The following ADGB variants were observed in gnomAD, a reference collection of about 807,000 sequenced individuals.
ADGB encodes calpain-7-like protein.
In ADGB, 172 loss-of-function variants were observed where a neutral mutation model predicts 210.5. The observed-to-expected ratio is 0.82, with a 90% CI of 0.72 to 0.93. The LOEUF (loss-of-function observed/expected upper bound fraction) is 0.93, where lower values mean the gene tolerates loss of function less well. Among genes scored for constraint, ADGB ranks in the 40% least tolerant of loss-of-function variants. The pLI is 0.00. For missense variants in ADGB, 2,025 were observed against 1,964.8 expected (o/e 1.03, Z -0.58); for synonymous variants, 658 against 662.7 (o/e 0.99, Z 0.11).
chr6:146,620,209 C>T (rs889173570), intron 1 of ADGB, among the ~76,000 whole-genome samples: 2 of 152,090 alleles, frequency 1.3e-5, no homozygotes, highest in African/African-American at 4.8e-5. Flanking sequence ...GATTCTTTGT[C>T]TTTAATTTTT....
chr6:146,659,882 T>C (rs1423837627), intron 5 of ADGB, among the ~76,000 whole-genome samples: 1 of 152,196 alleles, frequency 6.6e-6, no homozygotes, highest in African/African-American at 2.4e-5. Context: ...GCAGCTTTTC[T>C]CTGAGTGTCT....
intron 13 of ADGB, among the ~76,000 whole-genome samples, chr6:146,702,514 C>T (rs2225137): frequency 0.2 from 29,772 of 151,702 alleles, 3,737 homozygotes; most frequent in Non-Finnish European, 0.29. Flanking sequence ...TTATGTACCT[C>T]TCTATCCCAT....
chr6:146,694,586 C>T (rs1284855331), intron 12 of ADGB, among the ~76,000 whole-genome samples: 2 of 152,152 alleles, frequency 1.3e-5, no homozygotes, highest in East Asian at 3.9e-4. Context: ...GTAGTGTGTT[C>T]TGTTGATGTG....
At chr6:146,687,677 T>C (rs2114918433) in intron 10 of ADGB, among the ~76,000 whole-genome samples, 1 of 151,922 alleles carries the variant, frequency 6.6e-6, no homozygotes, top group South Asian at 2.1e-4. Flanking sequence ...ACTTAGAGAA[T>C]GGGTCAATAG....
intron 33 of ADGB, 77 bp downstream of exon 33, chr6:146,788,687 C>A (rs259395): frequency 0.39 from 508,885 of 1,297,334 alleles, 101,865 homozygotes; most frequent in East Asian, 0.59. Flanking sequence ...ACTTAAACAT[C>A]AGTGACGGCT....
Position 146,598,997 on chromosome 6 carries a change from G to A in ADGB, c.-44G>A. On this transcript the variant is annotated 5_prime_UTR_variant, in exon 1 of 36. Coordinates refer to ENST00000397944, the MANE Select transcript of ADGB (RefSeq NM_024694.4). ...AGACGCGGAGCCGAGCGCGCCCGCA[G>A]GCTCTTTGCTCAGAGCTCAGCCCTA... 6.6e-7 allele frequency: 1 copy of A among 1,522,314 alleles called. No homozygotes were observed. Among genetic ancestry groups the A allele is most frequent in the Non-Finnish European group, 8.9e-7 (1 of 1,120,854 alleles). 94.3% of individuals were successfully genotyped at this position (1,522,314 alleles called of 1,614,324 possible).
intron 12 of ADGB, among the ~76,000 whole-genome samples, chr6:146,695,173 C>T (rs1483399111): frequency 1.3e-5 from 2 of 152,040 alleles, no homozygotes; most frequent in African/African-American, 2.4e-5. Flanking sequence ...TTTTCCGGGG[C>T]TTTGTTTCAG....
chr6:146,809,044 G>A (rs575263789), intron 35 of ADGB, among the ~76,000 whole-genome samples: 4 of 77,228 alleles, frequency 5.2e-5, no homozygotes, highest in Admixed American at 1.2e-4. Flanking sequence ...AGGTCAAAAG[G>A]GCAGGCGCAT....
chr6:146,619,520 A>G (rs1780858915), intron 1 of ADGB, among the ~76,000 whole-genome samples: 1 of 151,930 alleles, frequency 6.6e-6, no homozygotes, highest in Non-Finnish European at 1.5e-5. Flanking sequence ...ATTCTCTGCT[A>G]TTTATTTTTA....
In ADGB at chr6:146,807,543, C is replaced by T. The variant is rs148417022; in HGVS notation, c.4818+5532C>T. 9,512 of 1,550,420 alleles carry T rather than the reference C, an allele frequency of 6.1e-3. 211 individuals are homozygous for T. The highest frequency in any genetic ancestry group is 0.045 in the African/African-American group (3,305 of 72,942). On this transcript the variant is annotated intron_variant, in intron 35 of 35. Transcript: ENST00000397944. ...GAAGCTGGAGACAGAAAAGATGACCCCAGCTCCTGACACACAGAAAAAAAA... is the reference window on the plus strand; with the variant it reads ...GAAGCTGGAGACAGAAAAGATGACCTCAGCTCCTGACACACAGAAAAAAAA...
At chr6:146,800,457 G>C (rs1778111744) in intron 33 of ADGB, among the ~76,000 whole-genome samples, 1 of 152,102 alleles carries the variant, frequency 6.6e-6, no homozygotes, top group Non-Finnish European at 1.5e-5. Flanking sequence ...ACACAACTTG[G>C]TAAATTTACT....
chr6:146,807,992 G>GTTTTTTTTT (rs369961809), intron 35 of ADGB, among the ~76,000 whole-genome samples: 1 of 103,162 alleles, frequency 9.7e-6, no homozygotes. Context: ...CTATGCTTCA[G>GTTTTTTTTT]TTTTTTTTTT....
intron 19 of ADGB, among the ~76,000 whole-genome samples, chr6:146,727,801 G>A (rs1188908053): frequency 1.3e-5 from 2 of 152,178 alleles, no homozygotes; most frequent in Non-Finnish European, 2.9e-5. Flanking sequence ...TGTAGGCTTT[G>A]TGAGGATTCT....
rs184267825 is a variant in ADGB at position 146,761,201 on chromosome 6, C to G, written c.3551-2700C>G. On this transcript the variant is annotated intron_variant, in intron 27 of 35. Transcript: ENST00000397944. ...TGAATATTTTCTTTCATGTTTTATT[C>G]TAAAAGTTTTATAATCTTAGCATGC... Among the ~76,000 whole-genome samples the G allele has an allele frequency of 5.7e-4, 86 of 151,840 alleles. No individual in the cohort carries two copies. In the East Asian group the frequency reaches 7.9e-3, roughly 14 times the overall value.
intron 32 of ADGB, 146 bp downstream of exon 32, chr6:146,785,858 C>T: frequency 1.6e-6 from 1 of 632,876 alleles, no homozygotes; most frequent in Non-Finnish European, 2.7e-6. Flanking sequence ...CGCACAATTT[C>T]AGATAACTAT....
chr6:146,807,374 A>G (rs1286350446), intron 35 of ADGB: 3 of 1,546,380 alleles, frequency 1.9e-6, no homozygotes, highest in Non-Finnish European at 2.6e-6. Context: ...CAGTGGAATT[A>G]TTTGTTTGGG....
At chr6:146,650,442 T>C (rs1775683629) in intron 3 of ADGB, among the ~76,000 whole-genome samples, 1 of 151,792 alleles carries the variant, frequency 6.6e-6, no homozygotes, top group South Asian at 2.1e-4. Context: ...CTGACTTTTT[T>C]TATTGGAATT....
chr6:146,716,836 C>T, intron 14 of ADGB, 47 bp from the exon 15 acceptor site: 4 of 1,433,948 alleles, frequency 2.8e-6, no homozygotes, highest in Admixed American at 5.5e-5. Flanking sequence ...ATTTCAATAA[C>T]TTGTTATTTA....
chr6:146,733,572 A>T (rs1412628138), intron 21 of ADGB, among the ~76,000 whole-genome samples: 1 of 152,196 alleles, frequency 6.6e-6, no homozygotes, highest in Non-Finnish European at 1.5e-5. Flanking sequence ...CTCTGACTCA[A>T]GTAACCCTAC....
Sources: gnomAD v4.1 joint callset for allele counts (sites outside exome capture counted in the v4.1 genomes callset) on GRCh38, gnomAD v4.1.1 for gene constraint, MANE v1.5 for transcripts, NCBI Gene and HGNC (gene_info 2026-07-23, HGNC 2026-07-21) for gene names.